Variants in CRYBG2 observed in about 807,000 individuals in gnomAD.
The protein encoded by CRYBG2 is crystallin beta-gamma domain containing 2.
A neutral mutation model predicts 153.4 loss-of-function variants in CRYBG2; 106 were observed. That is an observed-to-expected ratio of 0.69 (90% CI 0.59 to 0.81). The LOEUF (loss-of-function observed/expected upper bound fraction) is 0.81, where lower values mean the gene tolerates loss of function less well. Ranked by LOEUF, CRYBG2 falls within the 30% of genes least tolerant of loss-of-function variation. The pLI is 0.00. For synonymous variants in CRYBG2, 851 were observed against 877.8 expected (o/e 0.97, Z 0.54); for missense variants, 1,996 against 2,112.0 (o/e 0.95, Z 1.08).
intron 18 of CRYBG2, among the ~76,000 whole-genome samples, chr1:26,323,531 G>A (rs990341682): frequency 2.0e-5 from 3 of 152,168 alleles, no homozygotes; most frequent in African/African-American, 7.2e-5. Context: ...GTCTATAACT[G>A]CTGTATCCCC....
chr1:26,337,754 G>A, intron 8 of CRYBG2, 80 bp from the exon 9 acceptor site: 1 of 1,547,636 alleles, frequency 6.5e-7, no homozygotes, highest in Admixed American at 1.9e-5. Flanking sequence ...CCAGCATCAG[G>A]CCAATGTGGC....
Position 26,346,754 on chromosome 1 carries a change from A to T in CRYBG2, c.-55-42T>A, listed in dbSNP as rs1183738869. Reference sequence around the variant, plus strand: ...AAGATGAGGGTCAGAGGGTGGTGAGAGTGGCTTCCTAAAGTGCAGAATAAC... The same window carrying T: ...AAGATGAGGGTCAGAGGGTGGTGAGTGTGGCTTCCTAAAGTGCAGAATAAC... On this transcript the variant is annotated intron_variant, in intron 1 of 19. Coordinates refer to ENST00000308182, the MANE Select transcript of CRYBG2 (RefSeq NM_001039775.4). This position sits in a 1 kb window ranked among gnomAD's most constrained non-coding sequence, Gnocchi z 4.9. 1.5e-6 allele frequency: 2 copies of T among 1,330,716 alleles called. No individual in the cohort carries two copies. Among genetic ancestry groups the T allele is most frequent in the Admixed American group, 2.9e-5 (1 of 34,708 alleles). The allele number at this position is 1,330,716 out of a possible 1,614,324, so 82.4% of individuals were successfully genotyped here.
chr1:26,347,452 C>G (rs2074238365), intron 1 of CRYBG2, among the ~76,000 whole-genome samples: 1 of 151,302 alleles, frequency 6.6e-6, no homozygotes, highest in East Asian at 1.9e-4. Flanking sequence ...CGCCGCCACA[C>G]CCAGCTAGTT....
rs772658518 is a variant in CRYBG2, at chr1:26,336,798, G to C, written c.3911+43C>G. On this transcript the variant is annotated intron_variant, in intron 11 of 19. Coordinates refer to ENST00000308182, the MANE Select transcript of CRYBG2 (RefSeq NM_001039775.4). This position sits in a 1 kb window ranked among gnomAD's most constrained non-coding sequence, Gnocchi z 4.9. Reference sequence around the variant, plus strand: ...TGCACCTCTCCTGGAACCGCCCCCGGCTCGCCCGGGCCCGCCCCGCTCCCG... The same window carrying C: ...TGCACCTCTCCTGGAACCGCCCCCGCCTCGCCCGGGCCCGCCCCGCTCCCG... The C allele has an allele frequency of 6.4e-7, 1 of 1,553,362 alleles. No individual in the cohort carries two copies. Among genetic ancestry groups the C allele is most frequent in the Non-Finnish European group, 8.7e-7 (1 of 1,150,970 alleles).
chr1:26,334,985 T>A (rs1254223647), intron 14 of CRYBG2, among the ~76,000 whole-genome samples: 1 of 152,108 alleles, frequency 6.6e-6, no homozygotes, highest in African/African-American at 2.4e-5. Flanking sequence ...CCAACAGCAT[T>A]CAGTGGTTTT....
Position 26,325,353 on chromosome 1 carries a change from T to A in CRYBG2, c.4579-1043A>T, listed in dbSNP as rs2073910720. The stretch of plus-strand genomic sequence containing the variant: ...CGGGTGGATCACCTGAGGTCAGGAG[T>A]TCGAGGTCAGCCTGGCCAACATGGC... On this transcript the variant is annotated intron_variant, in intron 17 of 19. Coordinates refer to ENST00000308182, the MANE Select transcript of CRYBG2 (RefSeq NM_001039775.4). The surrounding 1 kb of genome is among the most constrained non-coding windows in gnomAD (Gnocchi z 4.1). Among the ~76,000 whole-genome samples, 1 of 151,644 alleles carries A rather than the reference T, an allele frequency of 6.6e-6. No homozygotes were observed. Among genetic ancestry groups the A allele is most frequent in the African/African-American group, 2.4e-5 (1 of 41,250 alleles).
At chr1:26,338,833 C>T (rs2074093808) in intron 6 of CRYBG2, among the ~76,000 whole-genome samples, 1 of 152,218 alleles carries the variant, frequency 6.6e-6, no homozygotes, top group South Asian at 2.1e-4. Context: ...ATGCTGGCTA[C>T]ACTGAAAATT....
chr1:26,341,552 T>C (rs1484548192), intron 5 of CRYBG2, among the ~76,000 whole-genome samples: 1 of 152,032 alleles, frequency 6.6e-6, no homozygotes, highest in Non-Finnish European at 1.5e-5. Context: ...AATGGCATGA[T>C]CTCAGCTCAC....
intron 14 of CRYBG2, among the ~76,000 whole-genome samples, chr1:26,335,505 C>T (rs1310502059): frequency 6.6e-6 from 1 of 151,506 alleles, no homozygotes; most frequent in Non-Finnish European, 1.5e-5. Context: ...ACAAAAAAAA[C>T]TACTGGGGTC....
intron 18 of CRYBG2, 93 bp from the exon 19 acceptor site, chr1:26,322,416 C>T (rs2073871191): frequency 2.1e-6 from 3 of 1,398,148 alleles, no homozygotes; most frequent in Non-Finnish European, 2.9e-6. Flanking sequence ...TGAATCCTGG[C>T]TCTTAGGGAC....
In CRYBG2 at chr1:26,328,335, G is replaced by A; in HGVS notation, c.4455-3C>T. ...CACTGTGTTCACATAGCACCCAACT[G>A]GGCCCAGCAGGTGTCAGGGACACAG... On this transcript the variant is annotated splice_polypyrimidine_tract_variant and splice_region_variant and intron_variant, in intron 16 of 19. Transcript: ENST00000308182. 1 of 1,567,268 alleles carries A rather than the reference G, an allele frequency of 6.4e-7. No homozygotes were observed. The highest frequency in any genetic ancestry group is 1.2e-5 in the South Asian group (1 of 85,656).
At chr1:26,332,625 G>A (rs892415856) in intron 14 of CRYBG2, among the ~76,000 whole-genome samples, 1 of 151,976 alleles carries the variant, frequency 6.6e-6, no homozygotes, top group Admixed American at 6.6e-5. Flanking sequence ...TCCTGCATCA[G>A]CCTCCTGAGT....
At position 26,336,935 on chromosome 1, in the gene CRYBG2, C is replaced by T. The variant is rs2074067474; in HGVS notation, c.3817G>A (p.Glu1273Lys). The part of the protein sequence containing the change: ...AVVLFEAMDF[E>K]GHGVEVSKAL... ...TTGCTCACCTCCACGCCGTGCCCCT[C>T]GAAGTCCATGGCCTCAAATAGCACG... Residue 1273 changes from glutamate (E) to lysine (K), a missense_variant, in exon 11 of 20, where the codon GAG becomes AAG. By Grantham distance (56) the Glu-to-Lys change is moderately conservative. Transcript: ENST00000308182. This position sits in a 1 kb window ranked among gnomAD's most constrained non-coding sequence, Gnocchi z 4.9. 2 of 1,613,426 alleles carry T rather than the reference C, an allele frequency of 1.2e-6. No individual in the cohort carries two copies. The highest frequency in any genetic ancestry group is 1.7e-5 in the Admixed American group (1 of 59,918).
rs1382717745 is a variant in CRYBG2, at chr1:26,345,839, G to A, written c.819C>T (p.Ala273=). ...STGLGSTVGA[A]LRQLPETGTA... is the part of the protein sequence containing the mutation. ...TCCCGGTCTCAGGCAGCTGCCTCAA[G>A]GCTGCCCCCACTGTGCTGCCCAGAC... Residue 273 remains alanine, a synonymous_variant, in exon 2 of 20, where the codon GCC becomes GCT. Coordinates refer to ENST00000308182, the MANE Select transcript of CRYBG2 (RefSeq NM_001039775.4). 3.8e-6 allele frequency: 6 copies of A among 1,596,604 alleles called. No homozygotes were observed. Among genetic ancestry groups the A allele is most frequent in the African/African-American group, 1.3e-5 (1 of 74,930 alleles).
At position 26,323,085 on chromosome 1, in the gene CRYBG2, C is replaced by CTT. The variant is rs35042014; in HGVS notation, c.4738-764_4738-763dup. Among the ~76,000 whole-genome samples, 198 of 145,478 alleles carry CTT rather than the reference C, an allele frequency of 1.4e-3. 1 individual carries two copies. Among genetic ancestry groups the CTT allele is most frequent in the Middle Eastern group, 3.5e-3 (1 of 284 alleles). Reference sequence around the variant, plus strand: ...ACCATACCTGATACTTTCTATTCTCCTTTTTTTTTTTTTGAGACAGAGTCT... The same window carrying CTT: ...ACCATACCTGATACTTTCTATTCTCCTTTTTTTTTTTTTTTGAGACAGAGTCT... On this transcript the variant is annotated intron_variant, in intron 18 of 19. Coordinates refer to ENST00000308182, the MANE Select transcript of CRYBG2 (RefSeq NM_001039775.4).
At chr1:26,328,082 T>G in intron 17 of CRYBG2, 127 bp downstream of exon 17, 1 of 1,334,778 alleles carries the variant, frequency 7.5e-7, no homozygotes, top group South Asian at 1.6e-5. Flanking sequence ...AATGACGATG[T>G]GGCAAAAGTT....
chr1:26,345,314 C>T lies in CRYBG2; in HGVS notation c.1344G>A (p.Gln448=), dbSNP rs1260621148. The change falls in exon 2 of 20, where the codon CAG becomes CAA. Residue 448 remains glutamine, a synonymous_variant. Transcript: ENST00000308182. ...APSSPRNKFV[Q]NSENVPVLPF... The stretch of plus-strand genomic sequence containing the variant: ...GGAGGACAGGGACATTTTCAGAGTT[C>T]TGAACAAACTTATTCCTTGGGGACG... 2.2e-5 allele frequency: 36 copies of T among 1,613,518 alleles called. No individual in the cohort carries two copies. The highest frequency in any genetic ancestry group is 3.1e-5 in the Non-Finnish European group (36 of 1,179,896).
chr1:26,349,483 G>C (rs781226321), intron 1 of CRYBG2, among the ~76,000 whole-genome samples: 3 of 152,106 alleles, frequency 2.0e-5, no homozygotes, highest in South Asian at 4.1e-4. Context: ...CTCACCCTCC[G>C]TCCTGGAGGG....
chr1:26,344,011 T>A lies in CRYBG2; in HGVS notation c.2647A>T (p.Thr883Ser). ...LEMMKKHVAGTKGPHSELGLE... is the reference protein window; with the variant it reads ...LEMMKKHVAGSKGPHSELGLE... ...CCCAGCTCTGAGTGGGGGCCCTTGG[T>A]TCCTGCTACATGCTTCTTCATCATC... is the stretch of plus-strand genomic sequence containing the variant. The change falls in exon 2 of 20, where the codon ACC becomes TCC. Residue 883 changes from threonine (T) to serine (S), a missense_variant. By Grantham distance (58) the Thr-to-Ser change is moderately conservative. Coordinates refer to ENST00000308182, the MANE Select transcript of CRYBG2 (RefSeq NM_001039775.4). The A allele has an allele frequency of 2.0e-6, 3 of 1,536,180 alleles. No individual in the cohort carries two copies. Among genetic ancestry groups the A allele is most frequent in the South Asian group, 2.4e-5 (2 of 84,060 alleles).
Sources: allele counts gnomAD v4.1 joint callset (sites outside exome capture counted in the v4.1 genomes callset), GRCh38; gene constraint gnomAD v4.1.1; non-coding constraint Gnocchi (gnomAD v3.1); transcripts MANE v1.5; gene names NCBI Gene and HGNC (gene_info 2026-07-23, HGNC 2026-07-21).